The following TLCD4 variants were observed in gnomAD, a reference collection of about 807,000 sequenced individuals.
TLCD4 encodes TLC domain containing 4.
A neutral mutation model predicts 24.2 loss-of-function variants in TLCD4; 7 were observed. That is an observed-to-expected ratio of 0.29 (90% CI 0.16 to 0.54). TLCD4 has a LOEUF of 0.54. Ranked by LOEUF, TLCD4 falls within the 20% of genes least tolerant of loss-of-function variation. The pLI, the probability that TLCD4 is intolerant of heterozygous loss-of-function variation, is 0.95. For missense variants in TLCD4, 259 were observed against 313.9 expected, an observed-to-expected ratio of 0.82 and a Z score of 1.32; for synonymous variants, 103 against 106.4, an observed-to-expected ratio of 0.97 and a Z score of 0.20.
intron 6 of TLCD4, among the ~76,000 whole-genome samples, chr1:95,188,435 C>T (rs942151117): frequency 4.8e-5 from 7 of 145,750 alleles, no homozygotes; most frequent in Non-Finnish European, 9.1e-5. Context: ...CAGTTCAATA[C>T]ATTACACTAT....
intron 1 of TLCD4, among the ~76,000 whole-genome samples, chr1:95,142,589 A>T (rs560163644): frequency 1.3e-5 from 2 of 152,266 alleles, no homozygotes; most frequent in East Asian, 3.9e-4. Flanking sequence ...AGAATTTTCT[A>T]GGGCTTAAAT....
chr1:95,150,745 G>A (rs986689896), intron 4 of TLCD4, among the ~76,000 whole-genome samples: 1 of 151,102 alleles, frequency 6.6e-6, no homozygotes, highest in East Asian at 1.9e-4. Flanking sequence ...GTATTTAATT[G>A]CATTCTTTTT....
chr1:95,104,074 C>T, the TLCD4 span, among the ~76,000 whole-genome samples: 1 of 152,072 alleles, frequency 6.6e-6, no homozygotes, highest in Non-Finnish European at 1.5e-5. Context: ...GCAAAGCAGC[C>T]CTTTACATCA....
At chr1:95,165,731 G>T (rs1239050935) in intron 5 of TLCD4, among the ~76,000 whole-genome samples, 1 of 152,210 alleles carries the variant, frequency 6.6e-6, no homozygotes, top group Admixed American at 6.5e-5. Context: ...CTCCCAGAGT[G>T]CTGGGATTAC....
At chr1:95,169,628 C>A (rs915012954) in intron 5 of TLCD4, among the ~76,000 whole-genome samples, 2 of 53,336 alleles carry the variant, frequency 3.7e-5, no homozygotes, top group African/African-American at 1.3e-4. Flanking sequence ...ATATAGTATA[C>A]TTCATGATTT....
At chr1:95,141,811 ACACACACACAC>A (rs1677204712) in intron 1 of TLCD4, among the ~76,000 whole-genome samples, 1 of 150,772 alleles carries the variant, frequency 6.6e-6, no homozygotes, top group Non-Finnish European at 1.5e-5. Flanking sequence ...ACACACACAC[ACACACACACAC>A]ACACACACAC....
chr1:95,109,143 G>C, the TLCD4 span, among the ~76,000 whole-genome samples: 2 of 152,022 alleles, frequency 1.3e-5, no homozygotes, highest in Non-Finnish European at 2.9e-5. Context: ...GCCTGGGCAA[G>C]AAGGCAAAAC....
chr1:95,166,131 C>T (rs1193453410), intron 5 of TLCD4, among the ~76,000 whole-genome samples: 1 of 152,122 alleles, frequency 6.6e-6, no homozygotes, highest in Non-Finnish European at 1.5e-5. Flanking sequence ...TTTTGAATAG[C>T]AGTCCCAGGT....
rs1170623692 is a variant in TLCD4, at chr1:95,117,523, G to C, written c.-106G>C. 3 of 152,142 alleles carry C rather than the reference G, an allele frequency of 2.0e-5. No individual in the cohort carries two copies. The highest frequency in any genetic ancestry group is 4.8e-5 in the African/African-American group (2 of 41,404). 9.4% of individuals were successfully genotyped at this position (152,142 alleles called of 1,614,324 possible). On this transcript the variant is annotated 5_prime_UTR_variant, in exon 1 of 7. Coordinates refer to ENST00000370203, the MANE Select transcript of TLCD4 (RefSeq NM_152487.3). ...ACTGGCCAGCGCCAGCCCTCGGGCCGGCCCGGATGAGCAGACTCCTGTAGA... is the reference window on the plus strand; with the variant it reads ...ACTGGCCAGCGCCAGCCCTCGGGCCCGCCCGGATGAGCAGACTCCTGTAGA...
the TLCD4 span, among the ~76,000 whole-genome samples, chr1:95,104,677 A>AAAAAAAAAAAACAAAAAAAAAAAAAAAC: frequency 6.8e-6 from 1 of 148,042 alleles, no homozygotes. Context: ...AAAAAAAAAA[A>AAAAAAAAAAAACAAAAAAAAAAAAAAAC]AAAGCGTTTA....
At chr1:95,104,519 G>T in the TLCD4 span, among the ~76,000 whole-genome samples, 11 of 151,664 alleles carry the variant, frequency 7.3e-5, no homozygotes, top group East Asian at 3.9e-4. Flanking sequence ...AAAAAAATTA[G>T]CTGGGCAAGG....
At chr1:95,101,919 T>C in the TLCD4 span, among the ~76,000 whole-genome samples, 1 of 152,040 alleles carries the variant, frequency 6.6e-6, no homozygotes, top group African/African-American at 2.4e-5. Flanking sequence ...TGACTAGTAG[T>C]TGGATTTGGT....
intron 5 of TLCD4, among the ~76,000 whole-genome samples, chr1:95,165,465 G>GGTTTTTTTTTTTTTTTTTTTT (rs776903610): frequency 1.9e-5 from 1 of 52,670 alleles, no homozygotes; most frequent in Non-Finnish European, 4.5e-5. Flanking sequence ...GTGTGTGTGT[G>GGTTTTTTTTTTTTTTTTTTTT]TGTTTTTTTT....
chr1:95,150,259 C>T lies in TLCD4; in HGVS notation c.297C>T (p.Leu99=), dbSNP rs772093965. ...NVNIAIASGY[L]ISDLSIIILY... The stretch of plus-strand genomic sequence containing the variant: ...ATATTGCTATTGCCTCAGGCTACCT[C>T]ATTTCTGGTATGTGAGATGTTGTTT... Residue 99 remains leucine, a synonymous_variant, in exon 4 of 7, where the codon CTC becomes CTT. Coordinates refer to ENST00000370203, the MANE Select transcript of TLCD4 (RefSeq NM_152487.3). 9 of 1,609,786 alleles carry T rather than the reference C, an allele frequency of 5.6e-6. No individual in the cohort carries two copies. In the Admixed American group the frequency reaches 1.5e-4, roughly 27 times the overall value.
intron 6 of TLCD4, among the ~76,000 whole-genome samples, chr1:95,188,964 G>A (rs1222268135): frequency 1.3e-5 from 2 of 152,046 alleles, no homozygotes; most frequent in Admixed American, 6.6e-5. Flanking sequence ...ATGCTGACCT[G>A]TGTGTATACA....
chr1:95,186,721 AT>A (rs1403817624), intron 6 of TLCD4, among the ~76,000 whole-genome samples: 3 of 152,176 alleles, frequency 2.0e-5, no homozygotes, highest in Non-Finnish European at 2.9e-5. Flanking sequence ...TGTGGATGTC[AT>A]TGCTTTAGTG....
Position 95,173,904 on chromosome 1 carries a change from T to C in TLCD4, c.473+15T>C, listed in dbSNP as rs1557694424. Reference sequence around the variant, plus strand: ...GTGAATCAGCGGTATGTTACTGATATCATTGATTATTTTAAAGTCATGCTG... The same window carrying C: ...GTGAATCAGCGGTATGTTACTGATACCATTGATTATTTTAAAGTCATGCTG... On this transcript the variant is annotated intron_variant, in intron 6 of 6. Coordinates refer to ENST00000370203, the MANE Select transcript of TLCD4 (RefSeq NM_152487.3). The C allele has an allele frequency of 6.2e-7, 1 of 1,613,524 alleles. No homozygotes were observed. The highest frequency in any genetic ancestry group is 1.7e-5 in the Admixed American group (1 of 59,904).
chr1:95,110,631 G>A, the TLCD4 span, among the ~76,000 whole-genome samples: 2 of 152,266 alleles, frequency 1.3e-5, no homozygotes, highest in African/African-American at 2.4e-5. Flanking sequence ...GCTCACGCCT[G>A]TAATCCCAGC....
At chr1:95,123,372 A>AC (rs1676622911) in intron 1 of TLCD4, among the ~76,000 whole-genome samples, 1 of 152,202 alleles carries the variant, frequency 6.6e-6, no homozygotes, top group African/African-American at 2.4e-5. Flanking sequence ...TGAAAGGGTG[A>AC]GGCCAAGAGG....
Sources: allele counts gnomAD v4.1 joint callset (sites outside exome capture counted in the v4.1 genomes callset), GRCh38; gene constraint gnomAD v4.1.1; transcripts MANE v1.5; gene names NCBI Gene and HGNC (gene_info 2026-07-23, HGNC 2026-07-21).